BCR: variants seen among roughly 807,000 people sequenced by gnomAD.
BCR encodes breakpoint cluster region protein.
Under a neutral mutation model 138.6 loss-of-function variants are expected in BCR, and 58 were observed. The ratio of observed to expected loss-of-function variants is 0.42; its 90% CI spans 0.34 to 0.52. BCR has a LOEUF of 0.52. BCR is among the 20% of genes least tolerant of loss of function. The pLI, the probability that BCR is intolerant of heterozygous loss-of-function variation, is 0.06. For synonymous variants in BCR, 786 were observed against 730.1 expected, an observed-to-expected ratio of 1.08 and a Z score of -1.23; for missense variants, 1,599 against 1,727.2, an observed-to-expected ratio of 0.93 and a Z score of 1.32.
chr22:23,194,560 G>A (rs569445376), intron 1 of BCR, among the ~76,000 whole-genome samples: 128 of 152,160 alleles, frequency 8.4e-4, no homozygotes, highest in East Asian at 6.6e-3. Flanking sequence ...GCAGGCGCCT[G>A]CCACAACGCC....
At chr22:23,266,538 C>T (rs537318233) in intron 4 of BCR, among the ~76,000 whole-genome samples, 2 of 152,246 alleles carry the variant, frequency 1.3e-5, no homozygotes, top group East Asian at 1.9e-4. Flanking sequence ...TATAGGCATG[C>T]GCCGTCACGC....
chr22:23,296,530 C>T (rs1387380419), intron 16 of BCR, among the ~76,000 whole-genome samples: 1 of 152,212 alleles, frequency 6.6e-6, no homozygotes, highest in Non-Finnish European at 1.5e-5. Context: ...CCTTCTGCCA[C>T]CCTGGCCTGG....
chr22:23,216,141 C>T (rs958646957), intron 1 of BCR, among the ~76,000 whole-genome samples: 41 of 152,208 alleles, frequency 2.7e-4, no homozygotes, highest in African/African-American at 7.9e-4. Context: ...CTCTGATAAG[C>T]GTTGGCAACA....
chr22:23,252,432 C>CTTT (rs71200842), intron 1 of BCR, among the ~76,000 whole-genome samples: 13 of 117,930 alleles, frequency 1.1e-4, no homozygotes, highest in South Asian at 2.8e-4. Flanking sequence ...CTTTTCTTTT[C>CTTT]TTTTTTTTTT....
intron 2 of BCR, among the ~76,000 whole-genome samples, chr22:23,259,357 C>G (rs1285904908): frequency 6.6e-6 from 1 of 152,134 alleles, no homozygotes; most frequent in Non-Finnish European, 1.5e-5. Flanking sequence ...TGTGTCCTGA[C>G]CTCTTCTTTT....
At chr22:23,224,404 G>A (rs2072864247) in intron 1 of BCR, among the ~76,000 whole-genome samples, 1 of 152,178 alleles carries the variant, frequency 6.6e-6, no homozygotes, top group Non-Finnish European at 1.5e-5. Flanking sequence ...GCCTCCAGGA[G>A]AGTCAAACTG....
rs991380986 is a variant in BCR, at chr22:23,292,443, T to C, written c.2783-98T>C. The C allele has an allele frequency of 3.2e-6, 3 of 939,396 alleles. No homozygotes were observed. The Admixed American group carries it at 7.1e-5, about 22-fold the overall frequency. 58.2% of individuals were successfully genotyped at this position (939,396 alleles called of 1,614,324 possible). A position where few individuals can be genotyped will look rare whatever the true frequency, so the allele number is the denominator to read the frequency against. On this transcript the variant is annotated intron_variant, in intron 14 of 22. Transcript: ENST00000305877. Reference sequence around the variant, plus strand: ...AGTTACAACCTTTTTTTTTTATTTTTATTTTTTCTGATTCTGCAAATAACA... The same window carrying C: ...AGTTACAACCTTTTTTTTTTATTTTCATTTTTTCTGATTCTGCAAATAACA...
rs530862030 is a variant in BCR at position 23,268,293 on chromosome 22, G to A, written c.1753-115G>A. 7 of 789,402 alleles carry A rather than the reference G, an allele frequency of 8.9e-6. No homozygotes were observed. In the Admixed American group the frequency reaches 9.0e-5, roughly 10 times the overall value. 48.9% of individuals were successfully genotyped at this position (789,402 alleles called of 1,614,324 possible). On this transcript the variant is annotated intron_variant, in intron 4 of 22. Transcript: ENST00000305877. ...GGAAGCGCCGAGGCCTCTGCAGCCT[G>A]TGTGCCGTCTGCTGTCCCTGGAGTT...
chr22:23,205,851 T>C (rs2146213866), intron 1 of BCR, among the ~76,000 whole-genome samples: 1 of 152,286 alleles, frequency 6.6e-6, no homozygotes, highest in South Asian at 2.1e-4. Context: ...CAGGTGGCAG[T>C]GGGCTGGATT....
At chr22:23,206,576 C>CAA (rs559810867) in intron 1 of BCR, among the ~76,000 whole-genome samples, 915 of 89,698 alleles carry the variant, frequency 0.01, 16 homozygotes, top group African/African-American at 0.031. Flanking sequence ...GACTCCGTCT[C>CAA]AAAAAAAAAA....
intron 1 of BCR, among the ~76,000 whole-genome samples, chr22:23,194,402 CT>C (rs374624643): frequency 0.014 from 1,898 of 130,906 alleles, 46 homozygotes; most frequent in African/African-American, 0.047. Flanking sequence ...TTTTTTTTTT[CT>C]TTTTTTTTTT....
intron 1 of BCR, among the ~76,000 whole-genome samples, chr22:23,202,784 G>T (rs530356993): frequency 2.7e-5 from 4 of 146,294 alleles, no homozygotes; most frequent in Non-Finnish European, 4.4e-5. Context: ...TTCATTGATG[G>T]GCACTTGGGT....
At chr22:23,290,249 C>G in intron 13 of BCR, 90 bp from the exon 14 acceptor site, 1 of 1,331,882 alleles carries the variant, frequency 7.5e-7, no homozygotes, top group East Asian at 2.3e-5. Context: ...ACAGTGTCCA[C>G]CGGATGGTTG....
intron 1 of BCR, among the ~76,000 whole-genome samples, chr22:23,192,006 G>A (rs1444094154): frequency 2.0e-5 from 3 of 152,146 alleles, no homozygotes; most frequent in Admixed American, 6.5e-5. Flanking sequence ...TCACTGCCAC[G>A]ACTTTGCAAA....
intron 1 of BCR, among the ~76,000 whole-genome samples, chr22:23,211,811 A>G (rs2072687239): frequency 6.6e-6 from 1 of 152,122 alleles, no homozygotes; most frequent in African/African-American, 2.4e-5. Flanking sequence ...TAGAAGTCCT[A>G]TCTTCCAGGC....
chr22:23,308,805 A>C (rs548367430), intron 16 of BCR, among the ~76,000 whole-genome samples: 7 of 152,188 alleles, frequency 4.6e-5, no homozygotes, highest in Non-Finnish European at 1.0e-4. Context: ...ATTAAGGACA[A>C]GCTCCTGCAG....
At chr22:23,255,440 A>G (rs1177932995) in intron 2 of BCR, among the ~76,000 whole-genome samples, 1 of 152,084 alleles carries the variant, frequency 6.6e-6, no homozygotes, top group East Asian at 1.9e-4. Context: ...CAATGGGCAC[A>G]CTTTCCCTCC....
intron 1 of BCR, among the ~76,000 whole-genome samples, chr22:23,216,251 T>C (rs2072750612): frequency 6.6e-6 from 1 of 152,206 alleles, no homozygotes; most frequent in Admixed American, 6.5e-5. Context: ...GCTACAAGGA[T>C]GTCTTTCACT....
intron 19 of BCR, chr22:23,312,433 T>G (rs2074017929): frequency 5.7e-6 from 1 of 176,210 alleles, no homozygotes; most frequent in Admixed American, 5.4e-5. Flanking sequence ...CAGCTCCCTC[T>G]GGGGGCCCAG....
Sources: gnomAD v4.1 joint callset for allele counts (sites outside exome capture counted in the v4.1 genomes callset) on GRCh38, gnomAD v4.1.1 for gene constraint, MANE v1.5 for transcripts, NCBI Gene and HGNC (gene_info 2026-07-23, HGNC 2026-07-21) for gene names.